Variants in LARGE1 observed in about 807,000 individuals in gnomAD.
The protein encoded by LARGE1 is LARGE xylosyl- and glucuronyltransferase 1, also known as xylosyl- and glucuronyltransferase LARGE1.
Under a neutral mutation model 87.6 loss-of-function variants are expected in LARGE1, and 43 were observed. That is an observed-to-expected ratio of 0.49 (90% CI 0.38 to 0.63). LARGE1 has a LOEUF of 0.63. LARGE1 is among the 30% of genes least tolerant of loss of function. The pLI is 0.00. For synonymous variants in LARGE1, 434 were observed against 394.6 expected (o/e 1.10, Z -1.18); for missense variants, 802 against 1,000.2 (o/e 0.80, Z 2.67).
intron 2 of LARGE1, among the ~76,000 whole-genome samples, chr22:33,673,957 C>T (rs568407484): frequency 3.1e-5 from 4 of 130,074 alleles, no homozygotes; most frequent in African/African-American, 9.6e-5. Flanking sequence ...TACACGACCA[C>T]GCCCAGCTAA....
intron 3 of LARGE1, among the ~76,000 whole-genome samples, chr22:33,645,739 AT>A (rs1364092119): frequency 6.6e-6 from 1 of 152,222 alleles, no homozygotes; most frequent in East Asian, 1.9e-4. Context: ...ACTTAAACAA[AT>A]TAACAAGAAA....
chr22:33,761,401 A>G lies in LARGE1; in HGVS notation c.76T>C (p.Trp26Arg). 1 of 1,614,028 alleles carries G rather than the reference A, an allele frequency of 6.2e-7. No individual in the cohort carries two copies. The highest frequency in any genetic ancestry group is 8.5e-7 in the Non-Finnish European group (1 of 1,179,968). Residue 26 changes from tryptophan to arginine, a missense_variant, in exon 2 of 15, where the codon TGG becomes CGG. By Grantham distance (101) the Trp-to-Arg change is moderately radical. This residue lies in a region of LARGE1 where 177 missense variants were observed against 158.3 expected (regional missense o/e 1.12). Coordinates refer to ENST00000397394, the MANE Select transcript of LARGE1 (RefSeq NM_133642.5). ...LSLLCIPAIT[W>R]IYLFSGSFED... ...AAGCTCCCAGAAAACAGGTAAATCCAGGTGATGGCTGGGATGCAGAGAAGA... is the reference window on the plus strand; with the variant it reads ...AAGCTCCCAGAAAACAGGTAAATCCGGGTGATGGCTGGGATGCAGAGAAGA...
At chr22:33,561,606 A>G (rs1310478609) in intron 6 of LARGE1, among the ~76,000 whole-genome samples, 1 of 152,214 alleles carries the variant, frequency 6.6e-6, no homozygotes, top group Non-Finnish European at 1.5e-5. Flanking sequence ...CAGTCCCAAC[A>G]GTAAGCTATT....
chr22:33,170,073 C>A (rs754702449), intron 11 of LARGE1, among the ~76,000 whole-genome samples: 1 of 152,002 alleles, frequency 6.6e-6, no homozygotes, highest in Non-Finnish European at 1.5e-5. Flanking sequence ...ATCATGAGGG[C>A]AGCCCTCATA....
At chr22:33,111,362 G>A in the LARGE1 span, among the ~76,000 whole-genome samples, 1 of 152,136 alleles carries the variant, frequency 6.6e-6, no homozygotes, top group Non-Finnish European at 1.5e-5. Context: ...TGCTAAGGAT[G>A]TATCATCTTG....
intron 6 of LARGE1, among the ~76,000 whole-genome samples, chr22:33,472,152 G>A (rs1437443190): frequency 6.6e-6 from 1 of 152,192 alleles, no homozygotes; most frequent in Admixed American, 6.5e-5. Flanking sequence ...TCCTGATTTA[G>A]TGCCATGGGT....
At chr22:33,855,798 CA>C (rs554936388) in intron 1 of LARGE1, among the ~76,000 whole-genome samples, 165 of 152,260 alleles carry the variant, frequency 1.1e-3, no homozygotes, top group Non-Finnish European at 1.6e-3. Flanking sequence ...CCTCAGGATA[CA>C]AAAATTAATA....
chr22:33,390,665 G>A (rs1034400593), intron 7 of LARGE1, among the ~76,000 whole-genome samples: 2 of 151,350 alleles, frequency 1.3e-5, no homozygotes, highest in Admixed American at 1.3e-4. Context: ...AAACCAGAGG[G>A]GACTCTGTCT....
At chr22:33,202,105 T>TAAA (rs137449) in intron 11 of LARGE1, among the ~76,000 whole-genome samples, 6 of 143,806 alleles carry the variant, frequency 4.2e-5, no homozygotes, top group African/African-American at 7.7e-5. Flanking sequence ...CACGGCATGA[T>TAAA]AAAAAAAAAA....
chr22:33,529,764 C>T (rs895571799), intron 6 of LARGE1, among the ~76,000 whole-genome samples: 2 of 152,172 alleles, frequency 1.3e-5, no homozygotes, highest in Admixed American at 6.5e-5. Context: ...CAAAGGCAAA[C>T]CCAAATTTGA....
chr22:33,551,937 T>C lies in LARGE1; in HGVS notation c.787+12911A>G, dbSNP rs369926791. 8.9e-5 allele frequency among the ~76,000 whole-genome samples: 12 copies of C among 134,846 alleles called. No homozygotes were observed. The East Asian group carries it at 1.7e-3, about 19-fold the overall frequency. The allele number at this position is 134,846 out of a possible 152,430, so 88.5% of individuals were successfully genotyped here. On this transcript the variant is annotated intron_variant, in intron 6 of 14. Coordinates refer to ENST00000397394, the MANE Select transcript of LARGE1 (RefSeq NM_133642.5). ...TGAACCCGGGAGGCGGAGCATGCAG[T>C]GAGCCGAGATCGCGCCACTGCACTC... is the stretch of plus-strand genomic sequence containing the variant.
chr22:33,862,396 G>A lies in LARGE1; in HGVS notation c.-83+57599C>T, dbSNP rs552008429. On this transcript the variant is annotated intron_variant, in intron 1 of 14. Coordinates refer to ENST00000397394, the MANE Select transcript of LARGE1 (RefSeq NM_133642.5). ...GGGGGAGGTTATATCCGAACATCTTGAACAATACAGGCGATCTTCTCAGGG... is the reference window on the plus strand; with the variant it reads ...GGGGGAGGTTATATCCGAACATCTTAAACAATACAGGCGATCTTCTCAGGG... Among the ~76,000 whole-genome samples the A allele has an allele frequency of 7.9e-5, 12 of 152,324 alleles. No homozygotes were observed. The South Asian group carries it at 2.1e-3, about 26-fold the overall frequency.
intron 1 of LARGE1, among the ~76,000 whole-genome samples, chr22:33,822,122 G>A (rs1319859395): frequency 6.6e-6 from 1 of 152,042 alleles, no homozygotes; most frequent in Non-Finnish European, 1.5e-5. Flanking sequence ...CCTGGTATAG[G>A]CACTATGTAG....
chr22:33,734,593 C>G (rs574054962), intron 2 of LARGE1, among the ~76,000 whole-genome samples: 4 of 152,256 alleles, frequency 2.6e-5, no homozygotes, highest in African/African-American at 9.6e-5. Context: ...TTTGCTTTCT[C>G]TCTTGCTTGT....
chr22:33,193,196 G>A (rs757277173), intron 11 of LARGE1, among the ~76,000 whole-genome samples: 4 of 152,024 alleles, frequency 2.6e-5, no homozygotes, highest in Admixed American at 6.6e-5. Context: ...AATGAAAAAA[G>A]TATAGTTTAG....
intron 7 of LARGE1, among the ~76,000 whole-genome samples, chr22:33,396,459 GTGAC>G (rs138548839): frequency 7.5e-6 from 1 of 133,888 alleles, no homozygotes; most frequent in Non-Finnish European, 1.6e-5. Flanking sequence ...GACAGAGAGA[GTGAC>G]AGAGAGAGAG....
chr22:33,122,670 T>G, the LARGE1 span, among the ~76,000 whole-genome samples: 1 of 152,158 alleles, frequency 6.6e-6, no homozygotes, highest in Non-Finnish European at 1.5e-5. Context: ...GTTTTGTTTT[T>G]TTCTATGGCA....
intron 7 of LARGE1, among the ~76,000 whole-genome samples, chr22:33,425,131 G>A (rs752432533): frequency 1.3e-5 from 2 of 152,028 alleles, no homozygotes; most frequent in South Asian, 2.1e-4. Context: ...GTGTGGTGGC[G>A]TGTGCCTGTA....
intron 6 of LARGE1, among the ~76,000 whole-genome samples, chr22:33,539,122 T>C (rs4820108): frequency 0.56 from 84,528 of 152,066 alleles, 23,874 homozygotes; most frequent in Admixed American, 0.65. Context: ...TAAACATACA[T>C]ACACACATAT....
Sources: allele counts gnomAD v4.1 joint callset (sites outside exome capture counted in the v4.1 genomes callset), GRCh38; gene constraint gnomAD v4.1.1; regional missense constraint gnomAD v4.1.1; transcripts MANE v1.5; gene names NCBI Gene and HGNC (gene_info 2026-07-23, HGNC 2026-07-21).